Variants in TTC4 observed in about 807,000 individuals in gnomAD.
TTC4 encodes the protein hsp70/Hsp90 co-chaperone CNS1 homolog.
In TTC4, 36 loss-of-function variants were observed where a neutral mutation model predicts 51.9. The ratio of observed to expected loss-of-function variants is 0.69; its 90% CI spans 0.53 to 0.92. The LOEUF is 0.92. Among genes scored for constraint, TTC4 ranks in the 40% least tolerant of loss-of-function variants. TTC4 has a pLI of 0.00. For synonymous variants in TTC4, 144 were observed against 164.2 expected (o/e 0.88, Z 0.94); for missense variants, 399 against 454.6 (o/e 0.88, Z 1.11).
chr1:54,724,778 G>C (rs977352924), intron 5 of TTC4, among the ~76,000 whole-genome samples: 14 of 152,146 alleles, frequency 9.2e-5, no homozygotes. Context: ...GAGAGGGGTA[G>C]TGTCAATCAC....
rs58555994 is a variant in TTC4 at position 54,733,758 on chromosome 1, T to A, written c.978+48T>A. ...CCTCTATGGAATTAATTTTTTTTTT[T>A]TTTTTTTTTTTTTTTGCGGCGGGGG... On this transcript the variant is annotated intron_variant, in intron 8 of 9. Coordinates refer to ENST00000371281, the MANE Select transcript of TTC4 (RefSeq NM_004623.5). 5,793 of 1,052,686 alleles carry A rather than the reference T, an allele frequency of 5.5e-3. 154 individuals are homozygous for A. The African/African-American group carries it at 0.075, about 14-fold the overall frequency. 65.2% of individuals were successfully genotyped at this position (1,052,686 alleles called of 1,614,324 possible). A position where few individuals can be genotyped will look rare whatever the true frequency, so the allele number is the denominator to read the frequency against.
chr1:54,723,408 G>A (rs1645766444), intron 5 of TTC4, among the ~76,000 whole-genome samples: 1 of 152,190 alleles, frequency 6.6e-6, no homozygotes, highest in African/African-American at 2.4e-5. Flanking sequence ...AATGTCACGT[G>A]TTCAGGGCCA....
intron 3 of TTC4, among the ~76,000 whole-genome samples, chr1:54,718,015 A>C (rs2101291412): frequency 6.6e-6 from 1 of 152,224 alleles, no homozygotes; most frequent in South Asian, 2.1e-4. Context: ...GGCAGTAGAG[A>C]TCTTTAGGTG....
In TTC4 at chr1:54,728,396, G is replaced by A; in HGVS notation, c.645G>A (p.Glu215=). ...AAGCCAACTTGAAAGAAAAGAAGGAGAGGAATCAGAATGAGGCTTTACTCC... is the reference window on the plus strand; with the variant it reads ...AAGCCAACTTGAAAGAAAAGAAGGAAAGGAATCAGAATGAGGCTTTACTCC... ...VRKANLKEKK[E]RNQNEALLQA... Residue 215 remains glutamate, a synonymous_variant, in exon 6 of 10, where the codon GAG becomes GAA. Transcript: ENST00000371281. 1.2e-6 allele frequency: 2 copies of A among 1,613,186 alleles called. No individual in the cohort carries two copies. Among genetic ancestry groups the A allele is most frequent in the Non-Finnish European group, 1.7e-6 (2 of 1,179,432 alleles).
intron 8 of TTC4, among the ~76,000 whole-genome samples, chr1:54,736,215 A>AG (rs1645935557): frequency 8.3e-6 from 1 of 120,402 alleles, no homozygotes; most frequent in African/African-American, 3.6e-5. Context: ...AGAGAGAGAG[A>AG]GAGAGAGAAG....
chr1:54,740,482 C>T (rs1326948013), intron 9 of TTC4, among the ~76,000 whole-genome samples: 1 of 152,150 alleles, frequency 6.6e-6, no homozygotes, highest in Non-Finnish European at 1.5e-5. Context: ...GCAAATTACC[C>T]AGAATTCTTT....
chr1:54,729,815 C>T (rs925217251), intron 6 of TTC4, among the ~76,000 whole-genome samples: 2 of 151,912 alleles, frequency 1.3e-5, no homozygotes, highest in African/African-American at 4.8e-5. Flanking sequence ...CCTCCACTTC[C>T]TGGGTTCAAG....
intron 7 of TTC4, 61 bp from the exon 8 acceptor site, chr1:54,733,568 C>T: frequency 7.4e-7 from 1 of 1,342,488 alleles, no homozygotes; most frequent in Non-Finnish European, 1.0e-6. Flanking sequence ...TGTCTGGGGA[C>T]CGATGTGGGA....
intron 4 of TTC4, among the ~76,000 whole-genome samples, chr1:54,721,845 A>T (rs984938297): frequency 3.3e-5 from 5 of 152,214 alleles, no homozygotes; most frequent in African/African-American, 1.2e-4. Flanking sequence ...CATGTCCCTC[A>T]GCTGTAGGAA....
chr1:54,731,854 C>CCGACTGAACCT (rs539019522), intron 7 of TTC4, among the ~76,000 whole-genome samples, 154 bp downstream of exon 7: 17,837 of 151,822 alleles, frequency 0.12, 1,741 homozygotes, highest in African/African-American at 0.26. Context: ...TATCCTGTAG[C>CCGACTGAACCT]TGACTGAACC....
At chr1:54,718,240 G>A (rs1264227302) in intron 3 of TTC4, among the ~76,000 whole-genome samples, 2 of 152,044 alleles carry the variant, frequency 1.3e-5, no homozygotes, top group South Asian at 2.1e-4. Flanking sequence ...GGGCATGGTG[G>A]TGCCTGCCTG....
chr1:54,741,478 T>C lies in TTC4; in HGVS notation c.1129T>C (p.Phe377Leu), dbSNP rs768440114. The C allele has an allele frequency of 6.2e-7, 1 of 1,614,128 alleles. No individual in the cohort carries two copies. The change falls in exon 10 of 10, where the codon TTT becomes CTT. Residue 377 changes from phenylalanine (F) to leucine (L), a missense_variant. By Grantham distance (22) the Phe-to-Leu change is conservative. Around this residue, in one of 3 missense-constraint regions of TTC4, gnomAD observed 64 missense variants for 61.3 expected, o/e 1.04. Coordinates refer to ENST00000371281, the MANE Select transcript of TTC4 (RefSeq NM_004623.5). ...AGGATCCTCTCCTTTTTGCAAGAAT[T>C]TTCTCCGGGGGAGAAAGGTGTACCA... Reference protein sequence around the residue: ...CVGSSPFCKNFLRGRKVYQIR With the variant: ...CVGSSPFCKNLLRGRKVYQIR
intron 9 of TTC4, among the ~76,000 whole-genome samples, chr1:54,738,733 C>T (rs375009523): frequency 6.7e-6 from 1 of 150,112 alleles, no homozygotes; most frequent in Non-Finnish European, 1.5e-5. Context: ...TCTTGGCTCA[C>T]TGCAACCTCT....
chr1:54,722,812 C>T lies in TTC4; in HGVS notation c.594+13C>T. ...AGACAAGCTGAAGGTTGGTGACTGT[C>T]AGCAACCAATTAGCATTTGCTAATT... On this transcript the variant is annotated intron_variant, in intron 5 of 9. Coordinates refer to ENST00000371281, the MANE Select transcript of TTC4 (RefSeq NM_004623.5). 3.1e-6 allele frequency: 5 copies of T among 1,611,806 alleles called. No homozygotes were observed. The highest frequency in any genetic ancestry group is 4.2e-6 in the Non-Finnish European group (5 of 1,179,352).
At chr1:54,720,029 G>T (rs1221643762) in intron 3 of TTC4, among the ~76,000 whole-genome samples, 1 of 151,758 alleles carries the variant, frequency 6.6e-6, no homozygotes, top group Admixed American at 6.6e-5. Context: ...CTCCCGAGTA[G>T]GTAGAACTAT....
chr1:54,738,503 C>T (rs189248449), intron 9 of TTC4, among the ~76,000 whole-genome samples: 9 of 152,174 alleles, frequency 5.9e-5, no homozygotes, highest in East Asian at 3.9e-4. Flanking sequence ...GGAGACTGGC[C>T]GGGCCCATAA....
chr1:54,720,127 C>A (rs1226463383), intron 3 of TTC4, among the ~76,000 whole-genome samples: 1 of 152,044 alleles, frequency 6.6e-6, no homozygotes, highest in African/African-American at 2.4e-5. Flanking sequence ...GTCTTGAACT[C>A]CTGGTCTTAA....
chr1:54,730,423 GC>G (rs1447532453), intron 6 of TTC4, among the ~76,000 whole-genome samples: 1 of 152,076 alleles, frequency 6.6e-6, no homozygotes. Flanking sequence ...GCAAACTGCA[GC>G]CGTTGGAACA....
At position 54,722,721 on chromosome 1, in the gene TTC4, C is replaced by T. The variant is rs376622796; in HGVS notation, c.516C>T (p.Asn172=). 5.0e-6 allele frequency: 8 copies of T among 1,613,776 alleles called. No individual in the cohort carries two copies. Among genetic ancestry groups the T allele is most frequent in the Non-Finnish European group, 6.8e-6 (8 of 1,179,900 alleles). Residue 172 remains asparagine (N), a synonymous_variant, in exon 5 of 10, where the codon AAC becomes AAT. Coordinates refer to ENST00000371281, the MANE Select transcript of TTC4 (RefSeq NM_004623.5). ...TGAAACACTTTGCCGAGGCCGTGAA[C>T]TGGTGTGATGAGGGACTGCAAATAG... ...LELKHFAEAV[N]WCDEGLQIDA...
Sources: gnomAD v4.1 joint callset for allele counts (sites outside exome capture counted in the v4.1 genomes callset) on GRCh38, gnomAD v4.1.1 for gene constraint, gnomAD v4.1.1 regional missense constraint, MANE v1.5 for transcripts, NCBI Gene and HGNC (gene_info 2026-07-23, HGNC 2026-07-21) for gene names.